Variants in GRIP2 observed in about 807,000 individuals in gnomAD.
GRIP2 encodes glutamate receptor-interacting protein 2.
Under a neutral mutation model 108.3 loss-of-function variants are expected in GRIP2, and 58 were observed. That is an observed-to-expected ratio of 0.54 (90% confidence interval 0.43 to 0.67). The LOEUF is 0.67. Among genes scored for constraint, GRIP2 ranks in the 30% least tolerant of loss-of-function variants. GRIP2 has a pLI of 0.00. For synonymous variants in GRIP2, 586 were observed against 598.2 expected (o/e 0.98, Z 0.30); for missense variants, 1,278 against 1,430.6 (o/e 0.89, Z 1.72).
intron 1 of GRIP2, among the ~76,000 whole-genome samples, chr3:14,536,012 G>A (rs544009988): frequency 9.8e-5 from 15 of 152,338 alleles, no homozygotes; most frequent in Non-Finnish European, 1.9e-4. Context: ...AGCCTCCCAG[G>A]AAGCCCAGCT....
rs942392737 is a variant in GRIP2, at chr3:14,491,332, A to G, written c.*2333T>C. 3.9e-5 allele frequency: 6 copies of G among 152,268 alleles called. No homozygotes were observed. The highest frequency in any genetic ancestry group is 7.3e-5 in the Non-Finnish European group (5 of 68,076). 9.4% of individuals were successfully genotyped at this position (152,268 alleles called of 1,614,324 possible). A position where few individuals can be genotyped will look rare whatever the true frequency, so the allele number is the denominator to read the frequency against. ...TTCCCGAGAGCCCTAAGAAAACCCGATGTAGAAAAATACTTTACAAGGAAT... is the reference window on the plus strand; with the variant it reads ...TTCCCGAGAGCCCTAAGAAAACCCGGTGTAGAAAAATACTTTACAAGGAAT... On this transcript the variant is annotated 3_prime_UTR_variant, in exon 24 of 24. Coordinates refer to ENST00000621039, the MANE Select transcript of GRIP2 (RefSeq NM_001080423.4).
At chr3:14,574,042 A>T in the GRIP2 span, 1 of 1,498,964 alleles carries the variant, frequency 6.7e-7, no homozygotes, top group Admixed American at 1.7e-5. Flanking sequence ...CCGATCCAGA[A>T]GTTCTCCTGC....
intron 11 of GRIP2, 43 bp from the exon 12 acceptor site, chr3:14,514,521 G>A (rs747890760): frequency 1.3e-5 from 19 of 1,489,680 alleles, no homozygotes; most frequent in African/African-American, 5.6e-5. Context: ...GCCGCCCCAC[G>A]GAGGTCTTCC....
chr3:14,517,212 G>A lies in GRIP2; in HGVS notation c.1158C>T (p.Ser386=). Residue 386 remains serine, a splice_region_variant and synonymous_variant, in exon 11 of 24, where the codon TCC becomes TCT. Transcript: ENST00000621039. ...GCGAGGAAAAGGGAGTTGAAGACAA[G>A]GCTGGGGAGATGAGAGCACAGCCCC... ...ATPAGQDQSR[S]LSSTPFSSPT... 6.3e-7 allele frequency: 1 copy of A among 1,576,998 alleles called. No homozygotes were observed. The highest frequency in any genetic ancestry group is 8.6e-7 in the Non-Finnish European group (1 of 1,160,850).
At position 14,522,593 on chromosome 3, in the gene GRIP2, C is replaced by T. The variant is rs1312162050; in HGVS notation, c.566+407G>A. 4.2e-5 allele frequency: 7 copies of T among 166,478 alleles called. No homozygotes were observed. In the South Asian group the frequency reaches 6.3e-4, roughly 15 times the overall value. The allele number at this position is 166,478 out of a possible 1,614,324, so 10.3% of individuals were successfully genotyped here. A position where few individuals can be genotyped will look rare whatever the true frequency, so the allele number is the denominator to read the frequency against. ...CTTCTGGGCTGGGCCCAGGCGGGGC[C>T]GAGCTGGGTCGATCAGCCAGGACCC... On this transcript the variant is annotated intron_variant, in intron 6 of 23. Transcript: ENST00000621039. This position sits in a 1 kb window ranked among gnomAD's most constrained non-coding sequence, Gnocchi z 4.3.
chr3:14,534,303 A>G (rs912570882), intron 1 of GRIP2, among the ~76,000 whole-genome samples: 2 of 152,294 alleles, frequency 1.3e-5, no homozygotes, highest in East Asian at 3.9e-4. Context: ...CCAGCTGGCC[A>G]GAGCTTGAGA....
chr3:14,527,247 A>AAAGGG (rs145344565), intron 1 of GRIP2, among the ~76,000 whole-genome samples: 58,794 of 150,938 alleles, frequency 0.39, 12,530 homozygotes, highest in South Asian at 0.6. Context: ...AAGAAGGAAG[A>AAAGGG]AAGGGAAGGG....
chr3:14,580,089 C>A, the GRIP2 span, among the ~76,000 whole-genome samples: 20,382 of 152,188 alleles, frequency 0.13, 1,464 homozygotes, highest in South Asian at 0.21. Context: ...ACTACTGTGT[C>A]CAACACAGGA....
the GRIP2 span, among the ~76,000 whole-genome samples, chr3:14,564,347 G>A: frequency 8.5e-5 from 13 of 152,340 alleles, no homozygotes; most frequent in Admixed American, 2.6e-4. Context: ...CGTGTGCCAC[G>A]GGGCAGCAGC....
At chr3:14,506,232 CT>C (rs1302665349) in intron 19 of GRIP2, among the ~76,000 whole-genome samples, 9 of 152,200 alleles carry the variant, frequency 5.9e-5, no homozygotes, top group East Asian at 3.9e-4. Flanking sequence ...CTCGCCCCCC[CT>C]ACCCAGTCCT....
chr3:14,496,719 G>A, intron 21 of GRIP2, among the ~76,000 whole-genome samples, 159 bp from the exon 22 acceptor site: 1 of 152,252 alleles, frequency 6.6e-6, no homozygotes, highest in East Asian at 1.9e-4. Flanking sequence ...CAGCGGTGGA[G>A]TGGGAAGTCA....
At chr3:14,560,149 G>A (rs888347299), upstream of GRIP2, among the ~76,000 whole-genome samples, 3 of 151,864 alleles carry the variant, frequency 2.0e-5, no homozygotes, top group South Asian at 4.2e-4. Context: ...AGCTACTCAC[G>A]AGGCTGAGGC....
chr3:14,539,203 A>G (rs1375961674), intron 1 of GRIP2, among the ~76,000 whole-genome samples: 3 of 152,224 alleles, frequency 2.0e-5, no homozygotes, highest in African/African-American at 7.2e-5. Context: ...CCCAAGTGGC[A>G]GTGTAGTTAT....
rs368630386 is a variant in GRIP2 at position 14,521,334 on chromosome 3, T to C, written c.712+308A>G. ...GTCCCATCTCTCTCCCCTGCCTCTT[T>C]TCTTTTTTCCATAGCACTTATTGCC... On this transcript the variant is annotated intron_variant, in intron 7 of 23. Coordinates refer to ENST00000621039, the MANE Select transcript of GRIP2 (RefSeq NM_001080423.4). The surrounding 1 kb of genome is among the most constrained non-coding windows in gnomAD (Gnocchi z 5.1). The C allele has an allele frequency of 5.8e-4, 170 of 290,736 alleles. No homozygotes were observed. The highest frequency in any genetic ancestry group is 3.6e-3 in the African/African-American group (164 of 45,744). 18.0% of individuals were successfully genotyped at this position (290,736 alleles called of 1,614,324 possible).
chr3:14,538,273 T>C (rs1694881711), intron 1 of GRIP2, among the ~76,000 whole-genome samples: 1 of 152,098 alleles, frequency 6.6e-6, no homozygotes. Flanking sequence ...GGAGGTCACA[T>C]GACCAGGCCT....
chr3:14,527,705 C>A (rs1021787630), intron 1 of GRIP2, among the ~76,000 whole-genome samples: 2 of 57,948 alleles, frequency 3.5e-5, no homozygotes, highest in African/African-American at 8.0e-5. Context: ...ATCTGGCCAA[C>A]AGAGGCATGG....
At position 14,493,773 on chromosome 3, in the gene GRIP2, C is replaced by G. The variant is rs749111870; in HGVS notation, c.3024G>C (p.Leu1008=). ...GCTCCAAGACATCACCCGCCTCGGC[C>G]AGGAGTGGCACCGCCAGGCAGCAGT... ...DFDCCLAVPL[L]AEAGDVLELI... is the part of the protein sequence containing the mutation. Residue 1008 remains leucine (L), a synonymous_variant, in exon 24 of 24, where the codon CTG becomes CTC. Coordinates refer to ENST00000621039, the MANE Select transcript of GRIP2 (RefSeq NM_001080423.4). 5.0e-6 allele frequency: 8 copies of G among 1,613,286 alleles called. No individual in the cohort carries two copies. In the Admixed American group the frequency reaches 1.2e-4, roughly 24 times the overall value.
At chr3:14,531,071 T>C (rs1176372175) in intron 1 of GRIP2, 2 of 152,248 alleles carry the variant, frequency 1.3e-5, no homozygotes, top group Non-Finnish European at 2.9e-5. Flanking sequence ...TTAGTATCTG[T>C]GCTGCCTAAG....
At chr3:14,494,790 T>C in intron 23 of GRIP2, 53 bp downstream of exon 23, 1 of 1,564,440 alleles carries the variant, frequency 6.4e-7, no homozygotes, top group Non-Finnish European at 8.7e-7. Flanking sequence ...TTCCCCACCC[T>C]CAGGCTAGGA....
Sources: gnomAD v4.1 joint callset for allele counts (sites outside exome capture counted in the v4.1 genomes callset) on GRCh38, gnomAD v4.1.1 for gene constraint, Gnocchi (gnomAD v3.1) non-coding constraint, MANE v1.5 for transcripts, NCBI Gene and HGNC (gene_info 2026-07-23, HGNC 2026-07-21) for gene names.